The following HMCN1 variants were observed in gnomAD, a reference collection of about 807,000 sequenced individuals.
HMCN1 encodes hemicentin 1.
Under a neutral mutation model 625.9 loss-of-function variants are expected in HMCN1, and 321 were observed. The ratio of observed to expected loss-of-function variants is 0.51; its 90% CI spans 0.47 to 0.56. The LOEUF (loss-of-function observed/expected upper bound fraction) is 0.56, where lower values mean the gene tolerates loss of function less well. Among genes scored for constraint, HMCN1 ranks in the 20% least tolerant of loss-of-function variants. HMCN1 has a pLI of 0.00. For missense variants in HMCN1, 6,588 were observed against 6,887.3 expected (o/e 0.96, Z 1.54); for synonymous variants, 2,425 against 2,417.6 (o/e 1.00, Z -0.09).
intron 1 of HMCN1, among the ~76,000 whole-genome samples, chr1:185,788,428 G>A (rs981375841): frequency 1.3e-5 from 2 of 152,130 alleles, no homozygotes. Context: ...TAAAACATGT[G>A]GAACTTGAAA....
chr1:186,092,731 TA>T (rs1446311695), intron 64 of HMCN1, among the ~76,000 whole-genome samples: 5 of 152,076 alleles, frequency 3.3e-5, no homozygotes, highest in Non-Finnish European at 7.4e-5. Flanking sequence ...TTGTGTTTTT[TA>T]TTAAGGTATT....
At chr1:185,913,828 A>G (rs1431957761) in intron 6 of HMCN1, among the ~76,000 whole-genome samples, 1 of 152,126 alleles carries the variant, frequency 6.6e-6, no homozygotes, top group Admixed American at 6.6e-5. Flanking sequence ...GTTCTGTGCT[A>G]CTTACTTAAT....
chr1:185,781,987 C>T (rs1182907098), intron 1 of HMCN1, among the ~76,000 whole-genome samples: 1 of 152,134 alleles, frequency 6.6e-6, no homozygotes, highest in Non-Finnish European at 1.5e-5. Context: ...GTCTAAGTCT[C>T]TTTGTAGGTC....
At chr1:185,999,441 A>C (rs1653027962) in intron 25 of HMCN1, among the ~76,000 whole-genome samples, 1 of 151,162 alleles carries the variant, frequency 6.6e-6, no homozygotes, top group Non-Finnish European at 1.5e-5. Context: ...TCTGTTAGTC[A>C]TAAATGAATC....
chr1:185,941,820 TAAAGA>T (rs1346943816), intron 11 of HMCN1, among the ~76,000 whole-genome samples: 7 of 152,178 alleles, frequency 4.6e-5, no homozygotes, highest in East Asian at 1.9e-4. Flanking sequence ...CTCTAAAACT[TAAAGA>T]AAAGAAATAT....
At chr1:185,933,918 G>A (rs1179328338) in intron 11 of HMCN1, 94 bp downstream of exon 11, 1 of 1,041,518 alleles carries the variant, frequency 9.6e-7, no homozygotes, top group Non-Finnish European at 1.5e-6. Context: ...GAGAGTGAGA[G>A]TATCTACCCA....
intron 22 of HMCN1, among the ~76,000 whole-genome samples, chr1:185,990,705 A>T (rs531818751): frequency 1.4e-3 from 213 of 152,322 alleles, no homozygotes; most frequent in Non-Finnish European, 2.5e-3. Context: ...AATGGAGCAG[A>T]ATTGTATGAG....
At chr1:185,899,459 ATTTGTCGAC>A (rs1267413063) in intron 4 of HMCN1, among the ~76,000 whole-genome samples, 2 of 152,118 alleles carry the variant, frequency 1.3e-5, no homozygotes, top group African/African-American at 4.8e-5. Context: ...AATTTGCAGT[ATTTGTCGAC>A]TTTTAACAAT....
intron 2 of HMCN1, among the ~76,000 whole-genome samples, chr1:185,863,638 T>A (rs369012445): frequency 1.2e-4 from 19 of 152,276 alleles, no homozygotes; most frequent in Middle Eastern, 3.4e-3. Context: ...TACAGCAAAC[T>A]CACAATTTCA....
In HMCN1 at chr1:186,182,196, C is replaced by T. The variant is rs766892848; in HGVS notation, c.16323C>T (p.Ala5441=). The change falls in exon 105 of 107, where the codon GCC becomes GCT. Residue 5441 remains alanine, a synonymous_variant. Transcript: ENST00000271588. ...TTGATGAATGTGAAAATACAGATGC[C>T]TGCCAGCATGAGTGTAAGAATACCT... ...VDIDECENTD[A]CQHECKNTFG... is the part of the protein sequence containing the mutation. 2 of 1,613,374 alleles carry T rather than the reference C, an allele frequency of 1.2e-6. No homozygotes were observed. The highest frequency in any genetic ancestry group is 1.7e-6 in the Non-Finnish European group (2 of 1,179,422).
rs750457824 is a variant in HMCN1 at position 186,144,641 on chromosome 1, G to A, written c.14204G>A (p.Gly4735Glu). Reference sequence around the variant, plus strand: ...TGCTCCGACCCTGTGCCCCAGTATGGAGGAAGGAAATGCGAAGGGAGTGAT... The same window carrying A: ...TGCTCCGACCCTGTGCCCCAGTATGAAGGAAGGAAATGCGAAGGGAGTGAT... ...RGCSDPVPQYGGRKCEGSDVQ... is the reference protein window; with the variant it reads ...RGCSDPVPQYEGRKCEGSDVQ... Residue 4735 changes from glycine to glutamate, a missense_variant, in exon 91 of 107, where the codon GGA becomes GAA. Physicochemically the swap from Gly to Glu is moderately conservative, Grantham distance 98 (BLOSUM62 -2). Transcript: ENST00000271588. The A allele has an allele frequency of 3.1e-6, 5 of 1,614,056 alleles. No homozygotes were observed. The highest frequency in any genetic ancestry group is 1.3e-5 in the African/African-American group (1 of 74,928).
intron 1 of HMCN1, among the ~76,000 whole-genome samples, chr1:185,801,692 G>A (rs1571372616): frequency 6.6e-6 from 1 of 152,284 alleles, no homozygotes; most frequent in East Asian, 1.9e-4. Context: ...GTTCATAAGA[G>A]GAAAGGTAGA....
At chr1:186,188,031 C>A in intron 106 of HMCN1, 22 bp downstream of exon 106, 1 of 1,613,622 alleles carries the variant, frequency 6.2e-7, no homozygotes, top group Admixed American at 1.7e-5. Flanking sequence ...CTTCTCATCC[C>A]AGACATGCTT....
chr1:185,937,206 A>G (rs1357422670), intron 11 of HMCN1, among the ~76,000 whole-genome samples: 5 of 152,330 alleles, frequency 3.3e-5, no homozygotes, highest in Non-Finnish European at 7.4e-5. Flanking sequence ...GTGTATTCAT[A>G]TGGTGTCTTA....
intron 81 of HMCN1, among the ~76,000 whole-genome samples, chr1:186,123,666 T>C (rs1313600623): frequency 6.6e-6 from 1 of 152,180 alleles, no homozygotes; most frequent in Non-Finnish European, 1.5e-5. Flanking sequence ...AAATATTACA[T>C]GTATATTTTT....
intron 78 of HMCN1, 22 bp downstream of exon 78, chr1:186,119,320 T>C: frequency 6.3e-7 from 1 of 1,577,376 alleles, no homozygotes; most frequent in Non-Finnish European, 8.7e-7. Context: ...TATTTACTCA[T>C]TCAAAGTTCG....
chr1:186,095,576 G>A, intron 68 of HMCN1, 55 bp downstream of exon 68: 1 of 1,553,412 alleles, frequency 6.4e-7, no homozygotes, highest in Non-Finnish European at 8.8e-7. Context: ...GATAGTGAAT[G>A]TTTAGTAAAT....
chr1:186,127,263 A>T (rs1661694034), intron 82 of HMCN1, among the ~76,000 whole-genome samples: 1 of 152,082 alleles, frequency 6.6e-6, no homozygotes, highest in South Asian at 2.1e-4. Flanking sequence ...TAGAATAAGA[A>T]GTTCAATAGA....
At chr1:185,988,037 A>T (rs186010373) in intron 20 of HMCN1, among the ~76,000 whole-genome samples, 1 of 152,180 alleles carries the variant, frequency 6.6e-6, no homozygotes, top group Non-Finnish European at 1.5e-5. Flanking sequence ...CACACAGGTT[A>T]TGCTACGGAC....
Sources: gnomAD v4.1 joint callset for allele counts (sites outside exome capture counted in the v4.1 genomes callset) on GRCh38, gnomAD v4.1.1 for gene constraint, MANE v1.5 for transcripts, NCBI Gene and HGNC (gene_info 2026-07-23, HGNC 2026-07-21) for gene names.